Variants in COL4A6 observed in about 807,000 individuals in gnomAD.
The protein encoded by COL4A6 is collagen alpha-6(IV) chain.
COL4A6 carries 59 observed loss-of-function variants against 126.7 expected under a neutral mutation model. That is an observed-to-expected ratio of 0.47 (90% confidence interval 0.38 to 0.58). COL4A6 has a LOEUF of 0.58. Ranked by LOEUF, COL4A6 falls within the 20% of genes least tolerant of loss-of-function variation. The pLI is 0.00. For synonymous variants in COL4A6, 547 were observed against 496.6 expected, an observed-to-expected ratio of 1.10 and a Z score of -1.35; for missense variants, 1,285 against 1,337.3, an observed-to-expected ratio of 0.96 and a Z score of 0.61.
At chrX:108,308,680 G>A (rs1226648643) in intron 3 of COL4A6, among the ~76,000 whole-genome samples, 1 of 112,333 alleles carries the variant, frequency 8.9e-6, no homozygotes, top group Non-Finnish European at 1.9e-5. Flanking sequence ...TGGCAAGGGT[G>A]TAGAAAGATG....
chrX:108,196,394 G>T, intron 14 of COL4A6, 117 bp downstream of exon 14: 2 of 615,334 alleles, frequency 3.3e-6, no homozygotes, highest in South Asian at 2.8e-5. Flanking sequence ...CCATTGGGTT[G>T]AGGAGAAACG....
In COL4A6 at chrX:108,279,213, C is replaced by T. The variant is rs750432684; in HGVS notation, c.144+31535G>A. On this transcript the variant is annotated intron_variant, in intron 3 of 44. Coordinates refer to ENST00000334504, the MANE Select transcript of COL4A6 (RefSeq NM_033641.4). ...ACAGACTGGCAAGTTGGATAAAGAG[C>T]CAAGACCCATCAGTGTGCTGTATTC... is the stretch of plus-strand genomic sequence containing the variant. 3.3e-3 allele frequency among the ~76,000 whole-genome samples: 368 copies of T among 110,867 alleles called. 2 individuals carry two copies. Among genetic ancestry groups the T allele is most frequent in the African/African-American group, 7.1e-3 (217 of 30,461 alleles).
At chrX:108,330,391 T>A (rs958917188) in intron 2 of COL4A6, among the ~76,000 whole-genome samples, 3 of 111,713 alleles carry the variant, frequency 2.7e-5, no homozygotes, top group Non-Finnish European at 5.6e-5. Flanking sequence ...TGAGCTTTAA[T>A]TAGTCTTAAC....
intron 2 of COL4A6, among the ~76,000 whole-genome samples, chrX:108,325,532 A>T (rs1030679691): frequency 8.0e-5 from 9 of 111,804 alleles, no homozygotes; most frequent in African/African-American, 2.9e-4. Flanking sequence ...CAAACATTTA[A>T]GGAATAAATA....
At chrX:108,189,156 T>A (rs1387890343) in intron 20 of COL4A6, among the ~76,000 whole-genome samples, 2 of 112,364 alleles carry the variant, frequency 1.8e-5, no homozygotes, top group African/African-American at 3.2e-5. Context: ...TCCATGCTTA[T>A]TGTCTGGAAA....
In COL4A6 at chrX:108,161,729, T is replaced by A; in HGVS notation, c.4223A>T (p.Lys1408Ile). ...TTTACCGGGGATGCCAGGTAAACCT[T>A]TGGAGCCTGCAGGAGAGAAAGCCCA... ...AQGPVGLQGSKGLPGIPGKDG... is the reference protein window; with the variant it reads ...AQGPVGLQGSIGLPGIPGKDG... Residue 1408 changes from lysine (K) to isoleucine (I), a missense_variant, in exon 42 of 45, where the codon AAA becomes ATA. Coordinates refer to ENST00000334504, the MANE Select transcript of COL4A6 (RefSeq NM_033641.4). 1 of 1,189,575 alleles carries A rather than the reference T, an allele frequency of 8.4e-7. No homozygotes were observed.
At chrX:108,191,244 G>C (rs2035030453) in intron 19 of COL4A6, 149 bp downstream of exon 19, 5 of 657,397 alleles carry the variant, frequency 7.6e-6, no homozygotes, top group Non-Finnish European at 1.2e-5. Flanking sequence ...ACTCAGAGAC[G>C]ACGGGGCCTT....
intron 2 of COL4A6, among the ~76,000 whole-genome samples, chrX:108,426,532 C>A (rs1007135008): frequency 8.9e-6 from 1 of 112,026 alleles, no homozygotes; most frequent in Admixed American, 9.5e-5. Context: ...GGAAGCAGGT[C>A]TCTACAGGAA....
At chrX:108,359,907 G>A in intron 2 of COL4A6, among the ~76,000 whole-genome samples, 1 of 112,252 alleles carries the variant, frequency 8.9e-6, no homozygotes. Flanking sequence ...CTTGTGTAGA[G>A]TCAACAGATG....
At chrX:108,423,336 T>C (rs1422885730) in intron 2 of COL4A6, among the ~76,000 whole-genome samples, 2 of 112,047 alleles carry the variant, frequency 1.8e-5, no homozygotes, top group South Asian at 7.4e-4. Flanking sequence ...ACATCAACAA[T>C]AATAATAGCA....
At chrX:108,331,339 C>T (rs1019950839) in intron 2 of COL4A6, among the ~76,000 whole-genome samples, 1 of 111,812 alleles carries the variant, frequency 8.9e-6, no homozygotes, top group African/African-American at 3.3e-5. Flanking sequence ...ACTGTGCAAA[C>T]ATCATAGCAT....
Position 108,294,409 on chromosome X carries a change from T to G in COL4A6, c.144+16339A>C, listed in dbSNP as rs1412521108. On this transcript the variant is annotated intron_variant, in intron 3 of 44. Coordinates refer to ENST00000334504, the MANE Select transcript of COL4A6 (RefSeq NM_033641.4). The stretch of plus-strand genomic sequence containing the variant: ...TGTTAGGGCAATTGTGTTTTTTTTT[T>G]TTTTGGTGTGTGTGTGTGTGTGTAT... Among the ~76,000 whole-genome samples, 572 of 87,765 alleles carry G rather than the reference T, an allele frequency of 6.5e-3. 6 individuals carry two copies. The highest frequency in any genetic ancestry group is 0.024 in the African/African-American group (537 of 22,389). The allele number at this position is 87,765 out of a possible 115,157, so 76.2% of individuals were successfully genotyped here. A position where few individuals can be genotyped will look rare whatever the true frequency, so the allele number is the denominator to read the frequency against.
intron 2 of COL4A6, among the ~76,000 whole-genome samples, chrX:108,385,530 A>C (rs2040666492): frequency 9.0e-6 from 1 of 111,159 alleles, no homozygotes; most frequent in Non-Finnish European, 1.9e-5. Context: ...TTCCAGATTA[A>C]CCAAATCAAT....
chrX:108,437,591 A>G (rs2064290622), intron 2 of COL4A6, among the ~76,000 whole-genome samples: 1 of 111,808 alleles, frequency 8.9e-6, no homozygotes, highest in African/African-American at 3.3e-5. Flanking sequence ...TAGTGTGCCA[A>G]TTCAAGTTCT....
chrX:108,438,802 C>A (rs1224858471), upstream of COL4A6, among the ~76,000 whole-genome samples: 1 of 112,574 alleles, frequency 8.9e-6, no homozygotes, highest in East Asian at 2.8e-4. Flanking sequence ...TGTAAATCCA[C>A]TCTGAGCTAA....
chrX:108,159,501 C>T lies in COL4A6; in HGVS notation c.4773G>A (p.Leu1591=), dbSNP rs1225482728. ...ACCCAATCCAGAGGCTGCGCCAGCCCAGGGGGCACTGCGGGATGGTGATGT... is the reference window on the plus strand; with the variant it reads ...ACCCAATCCAGAGGCTGCGCCAGCCTAGGGGGCACTGCGGGATGGTGATGT... ...SQDITIPQCP[L]GWRSLWIGYS... The change falls in exon 44 of 45, where the codon CTG becomes CTA. Residue 1591 remains leucine, a synonymous_variant. Coordinates refer to ENST00000334504, the MANE Select transcript of COL4A6 (RefSeq NM_033641.4). 1 of 1,212,213 alleles carries T rather than the reference C, an allele frequency of 8.2e-7. No homozygotes were observed.
chrX:108,171,596 G>A (rs763553818), intron 32 of COL4A6, 135 bp from the exon 33 acceptor site: 18 of 493,268 alleles, frequency 3.6e-5, no homozygotes, highest in African/African-American at 7.3e-5. Flanking sequence ...TTATCTATTG[G>A]GTAAAAAGTG....
At chrX:108,219,615 G>A (rs1410789319) in intron 5 of COL4A6, 83 bp downstream of exon 5, 1 of 842,115 alleles carries the variant, frequency 1.2e-6, no homozygotes, top group African/African-American at 2.0e-5. Flanking sequence ...GCATGAGACA[G>A]GATGTTGCTG....
intron 3 of COL4A6, among the ~76,000 whole-genome samples, chrX:108,259,931 T>C (rs931806239): frequency 3.0e-4 from 8 of 26,557 alleles, no homozygotes; most frequent in African/African-American, 5.1e-4. Flanking sequence ...ATACTATCAC[T>C]TGGGAACTGA....
Sources: allele counts gnomAD v4.1 joint callset (sites outside exome capture counted in the v4.1 genomes callset), GRCh38; gene constraint gnomAD v4.1.1; transcripts MANE v1.5; gene names NCBI Gene and HGNC (gene_info 2026-07-23, HGNC 2026-07-21).